Variants in BTBD10 observed in about 807,000 individuals in gnomAD.
BTBD10 encodes BTB/POZ domain-containing protein 10.
Under a neutral mutation model 53.2 loss-of-function variants are expected in BTBD10, and 21 were observed. The ratio of observed to expected loss-of-function variants is 0.39; its 90% CI spans 0.28 to 0.57. BTBD10 has a LOEUF of 0.57. Among genes scored for constraint, BTBD10 ranks in the 20% least tolerant of loss-of-function variants. The pLI is 0.53. For missense variants in BTBD10, 360 were observed against 594.7 expected, an observed-to-expected ratio of 0.61 and a Z score of 4.10; for synonymous variants, 149 against 192.7, an observed-to-expected ratio of 0.77 and a Z score of 1.88.
intron 8 of BTBD10, among the ~76,000 whole-genome samples, chr11:13,402,585 T>G (rs975885504): frequency 6.6e-6 from 1 of 152,214 alleles, no homozygotes; most frequent in Non-Finnish European, 1.5e-5. Flanking sequence ...CTTATGGGTA[T>G]TTTAAAATAA....
At chr11:13,432,573 ATT>A (rs2134000594) in intron 2 of BTBD10, among the ~76,000 whole-genome samples, 1 of 152,190 alleles carries the variant, frequency 6.6e-6, no homozygotes, top group African/African-American at 2.4e-5. Context: ...TTTTCATTGA[ATT>A]ATATAACAAA....
At chr11:13,406,082 C>G (rs374479689) in intron 6 of BTBD10, among the ~76,000 whole-genome samples, 2 of 152,164 alleles carry the variant, frequency 1.3e-5, no homozygotes, top group East Asian at 1.9e-4. Context: ...TATCTTCCAT[C>G]AGTATACACA....
At chr11:13,403,729 C>A (rs1476334338) in intron 7 of BTBD10, among the ~76,000 whole-genome samples, 2 of 152,180 alleles carry the variant, frequency 1.3e-5, no homozygotes, top group African/African-American at 4.8e-5. Context: ...TTTTACATTT[C>A]ATGGATTGAG....
intron 2 of BTBD10, among the ~76,000 whole-genome samples, chr11:13,434,938 A>G (rs936663500): frequency 3.9e-5 from 6 of 152,228 alleles, no homozygotes; most frequent in Non-Finnish European, 8.8e-5. Context: ...CAACTGGAAG[A>G]ATGGAAGTTC....
intron 8 of BTBD10, among the ~76,000 whole-genome samples, chr11:13,392,285 G>A (rs1185722737): frequency 6.6e-6 from 1 of 152,184 alleles, no homozygotes; most frequent in African/African-American, 2.4e-5. Flanking sequence ...CTTCATGGAT[G>A]AGCAAGATTG....
chr11:13,432,530 T>G (rs1241922502), intron 2 of BTBD10, among the ~76,000 whole-genome samples: 1 of 152,016 alleles, frequency 6.6e-6, no homozygotes, highest in South Asian at 2.1e-4. Context: ...ATCTTGTAAA[T>G]CTAAAATTAT....
Position 13,388,871 on chromosome 11 carries a change from T to C in BTBD10, c.1388A>G (p.Asn463Ser). 6.2e-7 allele frequency: 1 copy of C among 1,614,070 alleles called. No individual in the cohort carries two copies. Among genetic ancestry groups the C allele is most frequent in the Non-Finnish European group, 8.5e-7 (1 of 1,179,924 alleles). ...DILPIHPPSGNSDLDPDAQNP... is the reference protein window; with the variant it reads ...DILPIHPPSGSSDLDPDAQNP... Reference sequence around the variant, plus strand: ...CTGTGCATCAGGATCGAGGTCACTGTTGCCAGAAGGGGGATGGATAGGGAG... The same window carrying C: ...CTGTGCATCAGGATCGAGGTCACTGCTGCCAGAAGGGGGATGGATAGGGAG... Residue 463 changes from asparagine to serine, a missense_variant, in exon 9 of 9, where the codon AAC becomes AGC. This residue lies in a region of BTBD10 where 25 missense variants were observed against 24.9 expected (regional missense o/e 1.00). Coordinates refer to ENST00000278174, the MANE Select transcript of BTBD10 (RefSeq NM_032320.7).
At chr11:13,424,517 T>C (rs556528599) in intron 2 of BTBD10, among the ~76,000 whole-genome samples, 2 of 152,226 alleles carry the variant, frequency 1.3e-5, no homozygotes, top group Non-Finnish European at 2.9e-5. Context: ...TTCAATACTT[T>C]CAGATTAAGA....
At chr11:13,398,178 A>T (rs1383905677) in intron 8 of BTBD10, among the ~76,000 whole-genome samples, 4 of 152,130 alleles carry the variant, frequency 2.6e-5, no homozygotes, top group African/African-American at 4.8e-5. Flanking sequence ...TGGGAGTCTA[A>T]GTCTCTTTGT....
intron 2 of BTBD10, chr11:13,440,289 T>C (rs1950621534): frequency 1.7e-6 from 2 of 1,170,912 alleles, no homozygotes; most frequent in Non-Finnish European, 1.1e-6. Flanking sequence ...TGAGCTGTGA[T>C]CGTCCCATTT....
intron 8 of BTBD10, among the ~76,000 whole-genome samples, chr11:13,394,185 T>C (rs1430813288): frequency 6.6e-6 from 1 of 152,140 alleles, no homozygotes; most frequent in Non-Finnish European, 1.5e-5. Flanking sequence ...AGAGATGAGG[T>C]TGTCACCCAC....
At chr11:13,401,110 A>AATATTAT (rs1467828439) in intron 8 of BTBD10, among the ~76,000 whole-genome samples, 1 of 148,964 alleles carries the variant, frequency 6.7e-6, no homozygotes, top group East Asian at 2.0e-4. Context: ...TTAGGAGTGA[A>AATATTAT]ATATTATATA....
intron 2 of BTBD10, among the ~76,000 whole-genome samples, chr11:13,432,452 T>C (rs1014466571): frequency 6.6e-6 from 1 of 152,180 alleles, no homozygotes; most frequent in East Asian, 1.9e-4. Flanking sequence ...ACTAAAGTTA[T>C]GTAAGATGTT....
At chr11:13,459,045 T>TA (rs1182325583) in intron 1 of BTBD10, among the ~76,000 whole-genome samples, 1,824 of 128,442 alleles carry the variant, frequency 0.014, 36 homozygotes, top group African/African-American at 0.054. Flanking sequence ...TTTATTTATT[T>TA]TTTTATTTAT....
At chr11:13,401,648 TC>T (rs1565233151) in intron 8 of BTBD10, among the ~76,000 whole-genome samples, 1 of 152,170 alleles carries the variant, frequency 6.6e-6, no homozygotes, top group Non-Finnish European at 1.5e-5. Context: ...GGAAATAATT[TC>T]TAATAAATAA....
At chr11:13,449,494 G>GA (rs976319621) in intron 1 of BTBD10, among the ~76,000 whole-genome samples, 32 of 145,012 alleles carry the variant, frequency 2.2e-4, no homozygotes, top group Non-Finnish European at 2.4e-4. Context: ...AGTTTAAAGG[G>GA]AAAAAAAAAA....
At chr11:13,404,647 A>G (rs1308193839) in intron 7 of BTBD10, 2 of 981,360 alleles carry the variant, frequency 2.0e-6, no homozygotes, top group Non-Finnish European at 2.4e-6. Context: ...GTCAGCAAAG[A>G]GCCTAGAACT....
At chr11:13,390,571 C>A (rs116019927) in intron 8 of BTBD10, among the ~76,000 whole-genome samples, 1 of 152,010 alleles carries the variant, frequency 6.6e-6, no homozygotes, top group Admixed American at 6.6e-5. Context: ...CTCAAACTCC[C>A]GACCTCCAGT....
intron 2 of BTBD10, among the ~76,000 whole-genome samples, chr11:13,436,410 C>T (rs547843416): frequency 2.6e-5 from 4 of 152,306 alleles, no homozygotes; most frequent in South Asian, 4.1e-4. Context: ...ACATTGCCAA[C>T]ACCCACTAGA....
Sources: gnomAD v4.1 joint callset for allele counts (sites outside exome capture counted in the v4.1 genomes callset) on GRCh38, gnomAD v4.1.1 for gene constraint, gnomAD v4.1.1 regional missense constraint, MANE v1.5 for transcripts, NCBI Gene and HGNC (gene_info 2026-07-23, HGNC 2026-07-21) for gene names.